The following E2F2 variants were observed in gnomAD, a reference collection of about 807,000 sequenced individuals.
E2F2 encodes E2F transcription factor 2, also known as transcription factor E2F2.
In E2F2, 22 loss-of-function variants were observed where a neutral mutation model predicts 42.2. The ratio of observed to expected loss-of-function variants is 0.52; its 90% CI spans 0.37 to 0.74. The LOEUF is 0.74. Among genes scored for constraint, E2F2 ranks in the 30% least tolerant of loss-of-function variants. The pLI is 0.00. For synonymous variants in E2F2, 248 were observed against 251.6 expected, an observed-to-expected ratio of 0.99 and a Z score of 0.13; for missense variants, 481 against 557.8, an observed-to-expected ratio of 0.86 and a Z score of 1.39.
In E2F2 at chr1:23,530,966, A is replaced by G; in HGVS notation, c.-173T>C. ...CTCCCCTCCTGGCCCGCGGCCGAGCAGAGAGCAGCGCTTAGAGATCGCCGC... is the reference window on the plus strand; with the variant it reads ...CTCCCCTCCTGGCCCGCGGCCGAGCGGAGAGCAGCGCTTAGAGATCGCCGC... On this transcript the variant is annotated 5_prime_UTR_variant, in exon 1 of 7. Transcript: ENST00000361729. This position sits in a 1 kb window ranked among gnomAD's most constrained non-coding sequence, Gnocchi z 4.4. The G allele has an allele frequency of 1.3e-6, 1 of 758,468 alleles. No individual in the cohort carries two copies. Among genetic ancestry groups the G allele is most frequent in the Non-Finnish European group, 1.9e-6 (1 of 519,386 alleles). 47.0% of individuals were successfully genotyped at this position (758,468 alleles called of 1,614,324 possible).
At chr1:23,524,341 C>T (rs1643211246) in intron 2 of E2F2, 42 bp downstream of exon 2, 1 of 1,489,478 alleles carries the variant, frequency 6.7e-7, no homozygotes, top group Non-Finnish European at 9.1e-7. Flanking sequence ...GCCCTCTGCC[C>T]CTGCCCCACC....
rs1325665617 is a variant in E2F2, at chr1:23,521,823, G to C, written c.578+14C>G. 1 of 1,613,030 alleles carries C rather than the reference G, an allele frequency of 6.2e-7. No individual in the cohort carries two copies. Among genetic ancestry groups the C allele is most frequent in the East Asian group, 2.2e-5 (1 of 44,860 alleles). Reference sequence around the variant, plus strand: ...TACCCATTGGAGGGTACCACTGGCCGCCCAGGCACTCACACCCACTGGATG... The same window carrying C: ...TACCCATTGGAGGGTACCACTGGCCCCCCAGGCACTCACACCCACTGGATG... On this transcript the variant is annotated intron_variant, in intron 3 of 6. Coordinates refer to ENST00000361729, the MANE Select transcript of E2F2 (RefSeq NM_004091.4).
In E2F2 at chr1:23,522,430, A is replaced by G. The variant is rs58892789; in HGVS notation, c.359-374T>C. ...TACAACACCCTGTAAGGGTTGCTGTACAATCATCCCCATTTTATAGATGAG... is the reference window on the plus strand; with the variant it reads ...TACAACACCCTGTAAGGGTTGCTGTGCAATCATCCCCATTTTATAGATGAG... On this transcript the variant is annotated intron_variant, in intron 2 of 6. Coordinates refer to ENST00000361729, the MANE Select transcript of E2F2 (RefSeq NM_004091.4). Among the ~76,000 whole-genome samples the G allele has an allele frequency of 4.2e-3, 647 of 152,336 alleles. 28 individuals carry two copies. In the East Asian group the frequency reaches 0.1, roughly 24 times the overall value.
At chr1:23,528,461 A>G (rs569700245) in intron 1 of E2F2, among the ~76,000 whole-genome samples, 8 of 152,220 alleles carry the variant, frequency 5.3e-5, no homozygotes, top group African/African-American at 1.9e-4. Flanking sequence ...GCATCTGGGG[A>G]TTGACAGGAG....
chr1:23,521,092 C>CG (rs1558248958), intron 3 of E2F2, 21 bp from the exon 4 acceptor site: 3 of 1,593,366 alleles, frequency 1.9e-6, no homozygotes, highest in Non-Finnish European at 2.6e-6. Flanking sequence ...AGCAGCCCCC[C>CG]AGTGTCAGTC....
intron 1 of E2F2, among the ~76,000 whole-genome samples, chr1:23,525,197 CT>C (rs201348529): frequency 0.058 from 8,236 of 142,070 alleles, 310 homozygotes; most frequent in South Asian, 0.13. Flanking sequence ...CACCCCCCCC[CT>C]CCAGCTCCCC....
intron 1 of E2F2, among the ~76,000 whole-genome samples, chr1:23,524,843 C>T (rs983118057): frequency 6.6e-6 from 1 of 152,198 alleles, no homozygotes; most frequent in Admixed American, 6.5e-5. Context: ...AGGATGATAC[C>T]AGGAGGAAGC....
Position 23,519,044 on chromosome 1 carries a change from G to A in E2F2, c.824C>T (p.Thr275Met), listed in dbSNP as rs141515224. ...TVIAVKAPPQ[T>M]RLEVPDRTED... Reference sequence around the variant, plus strand: ...AGTCCTGTCGGGCACTTCCAGTCTCGTCTGCGGAGGGGCCTTGACGGCAAT... The same window carrying A: ...AGTCCTGTCGGGCACTTCCAGTCTCATCTGCGGAGGGGCCTTGACGGCAAT... Residue 275 changes from threonine to methionine, a missense_variant, in exon 5 of 7, where the codon ACG (threonine) becomes ATG (methionine). Coordinates refer to ENST00000361729, the MANE Select transcript of E2F2 (RefSeq NM_004091.4). 1.4e-5 allele frequency: 22 copies of A among 1,613,752 alleles called. No homozygotes were observed. Among genetic ancestry groups the A allele is most frequent in the South Asian group, 2.2e-5 (2 of 91,024 alleles).
Position 23,509,701 on chromosome 1 carries a change from AC to A in E2F2, c.*178del. 7.9e-7 allele frequency: 1 copy of A among 1,264,304 alleles called. No homozygotes were observed. Among genetic ancestry groups the A allele is most frequent in the Admixed American group, 3.6e-5 (1 of 27,808 alleles). The allele number at this position is 1,264,304 out of a possible 1,614,324, so 78.3% of individuals were successfully genotyped here. A position where few individuals can be genotyped will look rare whatever the true frequency, so the allele number is the denominator to read the frequency against. ...GAGGACCACCCCTTATCCACTCCTC[AC>A]CCGTACCATTCATATCTCCCCACAC... On this transcript the variant is annotated 3_prime_UTR_variant, in exon 7 of 7. Transcript: ENST00000361729.
At position 23,510,273 on chromosome 1, in the gene E2F2, C is replaced by T. The variant is rs3218206; in HGVS notation, c.1046-125G>A. ...TCTCTCCTTAGCCTGGGTGGACTGT[C>T]GTGCTCTCAAAATCCACCTTCCAGA... On this transcript the variant is annotated intron_variant, in intron 6 of 6. Coordinates refer to ENST00000361729, the MANE Select transcript of E2F2 (RefSeq NM_004091.4). 5.1e-3 allele frequency: 7,124 copies of T among 1,400,828 alleles called. 314 individuals carry two copies. In the African/African-American group the frequency reaches 0.086, roughly 17 times the overall value. The allele number at this position is 1,400,828 out of a possible 1,614,324, so 86.8% of individuals were successfully genotyped here.
At position 23,508,562 on chromosome 1, in the gene E2F2, G is replaced by C. The variant is rs1642845837; in HGVS notation, c.*1318C>G. ...CAAGCCTCTGGGGGAACAGGCTGAA[G>C]CCAAAAGACCCCCTCAGGACCCCAG... is the stretch of plus-strand genomic sequence containing the variant. On this transcript the variant is annotated 3_prime_UTR_variant, in exon 7 of 7. Coordinates refer to ENST00000361729, the MANE Select transcript of E2F2 (RefSeq NM_004091.4). 6.6e-6 allele frequency: 1 copy of C among 152,318 alleles called. No individual in the cohort carries two copies. The highest frequency in any genetic ancestry group is 2.1e-4 in the South Asian group (1 of 4,830). The allele number at this position is 152,318 out of a possible 1,614,324, so 9.4% of individuals were successfully genotyped here.
chr1:23,523,812 G>A (rs1178966764), intron 2 of E2F2, among the ~76,000 whole-genome samples: 1 of 152,090 alleles, frequency 6.6e-6, no homozygotes, highest in Non-Finnish European at 1.5e-5. Context: ...GGTGGCTCAC[G>A]CCTGTAATCC....
chr1:23,522,050 T>C lies in E2F2; in HGVS notation c.365A>G (p.Lys122Arg). ...ATACCGAGTCTTCTCCCCGGGGGAT[T>C]TGGGGGCTGAAGAAGAAAGGGACCC... ...VDGLPSPKTP[K>R]SPGEKTRYDT... Residue 122 changes from lysine to arginine, a missense_variant, in exon 3 of 7, where the codon AAA becomes AGA. By Grantham distance (26) the Lys-to-Arg change is conservative. Coordinates refer to ENST00000361729, the MANE Select transcript of E2F2 (RefSeq NM_004091.4). 2 of 1,613,850 alleles carry C rather than the reference T, an allele frequency of 1.2e-6. No homozygotes were observed. The highest frequency in any genetic ancestry group is 1.1e-5 in the South Asian group (1 of 91,066).
chr1:23,524,514 CAG>C, intron 1 of E2F2, 26 bp from the exon 2 acceptor site: 1 of 1,604,418 alleles, frequency 6.2e-7, no homozygotes, highest in Non-Finnish European at 8.5e-7. Flanking sequence ...GAGAGAGAGG[CAG>C]AGTTTGAGAA....
intron 6 of E2F2, 74 bp downstream of exon 6, chr1:23,516,261 A>C: frequency 7.2e-7 from 1 of 1,396,154 alleles, no homozygotes; most frequent in East Asian, 2.9e-5. Context: ...GGTTTTCAAC[A>C]AACATTGATA....
chr1:23,505,688 T>C (rs1378486862), downstream of E2F2, among the ~76,000 whole-genome samples: 1 of 152,160 alleles, frequency 6.6e-6, no homozygotes, highest in Non-Finnish European at 1.5e-5. Flanking sequence ...ATTTATTTTA[T>C]TTTTTTAGTA....
At chr1:23,522,583 T>C (rs1570468557) in intron 2 of E2F2, among the ~76,000 whole-genome samples, 1 of 152,160 alleles carries the variant, frequency 6.6e-6, no homozygotes, top group East Asian at 1.9e-4. Context: ...GCCACTTAAA[T>C]GTCCGGAGTT....
At chr1:23,515,838 C>T (rs1209759436) in intron 6 of E2F2, among the ~76,000 whole-genome samples, 1 of 152,178 alleles carries the variant, frequency 6.6e-6, no homozygotes, top group Non-Finnish European at 1.5e-5. Flanking sequence ...AGTAGCTGGA[C>T]TACAGGCGTG....
intron 3 of E2F2, chr1:23,521,497 C>A (rs1400166810): frequency 2.1e-6 from 2 of 975,280 alleles, no homozygotes; most frequent in East Asian, 1.1e-4. Context: ...AGGGGACTGC[C>A]CTAAGCTAGA....
Sources: allele counts gnomAD v4.1 joint callset (sites outside exome capture counted in the v4.1 genomes callset), GRCh38; gene constraint gnomAD v4.1.1; non-coding constraint Gnocchi (gnomAD v3.1); transcripts MANE v1.5; gene names NCBI Gene and HGNC (gene_info 2026-07-23, HGNC 2026-07-21).